STX11: variants seen among roughly 807,000 people sequenced by gnomAD.
STX11 encodes syntaxin-11.
In STX11, 21 loss-of-function variants were observed where a neutral mutation model predicts 19.9. The ratio of observed to expected loss-of-function variants is 1.06; its 90% confidence interval spans 0.75 to 1.52. The LOEUF is 1.52. Among genes scored for constraint, STX11 ranks in the 40% most tolerant of loss-of-function variants. The pLI is 0.00. For missense variants in STX11, 438 were observed against 405.9 expected (o/e 1.08, Z -0.68); for synonymous variants, 193 against 174.4 (o/e 1.11, Z -0.84).
intron 1 of STX11, 131 bp downstream of exon 1, chr6:144,150,834 G>T: frequency 2.8e-6 from 2 of 714,796 alleles, no homozygotes; most frequent in Non-Finnish European, 3.4e-6. Context: ...CCTTAGGTGG[G>T]ATTTTGGATC....
chr6:144,153,960 A>G lies in STX11; in HGVS notation c.-6+3257A>G, dbSNP rs576329662. Among the ~76,000 whole-genome samples the G allele has an allele frequency of 2.6e-4, 39 of 152,362 alleles. No individual in the cohort carries two copies. Among genetic ancestry groups the G allele is most frequent in the African/African-American group, 8.2e-4 (34 of 41,588 alleles). On this transcript the variant is annotated intron_variant, in intron 1 of 1. Coordinates refer to ENST00000367568, the MANE Select transcript of STX11 (RefSeq NM_003764.4). This position sits in a 1 kb window ranked among gnomAD's most constrained non-coding sequence, Gnocchi z 5.0. ...GTGCTCATTAAGATTTTTCAAATGA[A>G]TGCTAGTAATAGCTAAAATTTATTG...
At position 144,164,887 on chromosome 6, in the gene STX11, C is replaced by T. The variant is rs562827701; in HGVS notation, c.-6+14184C>T. ...TTTTTTTTTATTTTTAGTAGAGTTG[C>T]GGTTTCACCATGTTGGCCAGGCTAG... On this transcript the variant is annotated intron_variant, in intron 1 of 1. Transcript: ENST00000367568. Among the ~76,000 whole-genome samples the T allele has an allele frequency of 3.0e-4, 45 of 151,582 alleles. 1 individual carries two copies. In the East Asian group the frequency reaches 8.2e-3, roughly 28 times the overall value.
Position 144,187,470 on chromosome 6 carries a change from C to T in STX11, c.843C>T (p.Phe281=). The T allele has an allele frequency of 6.2e-7, 1 of 1,612,456 alleles. No individual in the cohort carries two copies. Among genetic ancestry groups the T allele is most frequent in the Non-Finnish European group, 8.5e-7 (1 of 1,179,972 alleles). Residue 281 remains phenylalanine, a synonymous_variant, in exon 2 of 2, where the codon TTC becomes TTT. Transcript: ENST00000367568. This position sits in a 1 kb window ranked among gnomAD's most constrained non-coding sequence, Gnocchi z 5.6. ...ACCCCTGCCGGACCCTCTGCTGCTT[C>T]TGCTGTCCCTGCCTCAAGTAGCAGG... ...EKNPCRTLCC[F]CCPCLK
intron 1 of STX11, among the ~76,000 whole-genome samples, chr6:144,171,894 A>C (rs1801648593): frequency 6.6e-6 from 1 of 152,242 alleles, no homozygotes; most frequent in South Asian, 2.1e-4. Flanking sequence ...ACTGAATTAA[A>C]ATCAAGATAT....
chr6:144,150,828 A>G (rs1360284062), intron 1 of STX11, 125 bp downstream of exon 1: 66 of 770,886 alleles, frequency 8.6e-5, no homozygotes, highest in Non-Finnish European at 1.0e-4. Flanking sequence ...GCTGTGCCTT[A>G]GGTGGGATTT....
intron 1 of STX11, among the ~76,000 whole-genome samples, chr6:144,178,851 T>A (rs888965964): frequency 1.1e-4 from 17 of 152,136 alleles, no homozygotes; most frequent in Admixed American, 9.2e-4. Flanking sequence ...TTTTTTTTTT[T>A]AAATTAACTT....
chr6:144,175,020 G>A lies in STX11; in HGVS notation c.-5-11603G>A, dbSNP rs760754614. 2.0e-5 allele frequency among the ~76,000 whole-genome samples: 3 copies of A among 151,966 alleles called. No homozygotes were observed. Among genetic ancestry groups the A allele is most frequent in the African/African-American group, 4.8e-5 (2 of 41,468 alleles). On this transcript the variant is annotated intron_variant, in intron 1 of 1. Coordinates refer to ENST00000367568, the MANE Select transcript of STX11 (RefSeq NM_003764.4). The surrounding 1 kb of genome is among the most constrained non-coding windows in gnomAD (Gnocchi z 5.1). ...TCCCAGCTACTCGGGAGGCTGAGGC[G>A]GGTGGATCACTTGAGGCCAAGAGTT...
chr6:144,187,039 A>C lies in STX11; in HGVS notation c.412A>C (p.Thr138Pro). 1 of 1,612,680 alleles carries C rather than the reference A, an allele frequency of 6.2e-7. No homozygotes were observed. Among genetic ancestry groups the C allele is most frequent in the Non-Finnish European group, 8.5e-7 (1 of 1,179,890 alleles). The change falls in exon 2 of 2, where the codon ACC (threonine) becomes CCC (proline). Residue 138 changes from threonine to proline, a missense_variant. Coordinates refer to ENST00000367568, the MANE Select transcript of STX11 (RefSeq NM_003764.4). The surrounding 1 kb of genome is among the most constrained non-coding windows in gnomAD (Gnocchi z 5.6). ...GGCGCAGTACAACGCGCTCACCCTC[A>C]CCTTCCAGCGCGCCATGCACGACTA... is the stretch of plus-strand genomic sequence containing the variant. ...SRAQYNALTL[T>P]FQRAMHDYNQ... is the part of the protein sequence containing the mutation.
chr6:144,185,166 C>T (rs1801995027), intron 1 of STX11, among the ~76,000 whole-genome samples: 1 of 152,174 alleles, frequency 6.6e-6, no homozygotes, highest in African/African-American at 2.4e-5. Flanking sequence ...AAAACTTCTG[C>T]TTAATTTATG....
At chr6:144,157,072 A>G (rs1584017726) in intron 1 of STX11, among the ~76,000 whole-genome samples, 1 of 152,224 alleles carries the variant, frequency 6.6e-6, no homozygotes, top group Non-Finnish European at 1.5e-5. Flanking sequence ...GCGCAAGTTC[A>G]GTGTCTCAGG....
rs1483779111 is a variant in STX11, at chr6:144,172,423, C to A, written c.-5-14200C>A. ...TTCAGTGTTCCCAGAGCAGATAAGC[C>A]CCAAGGTGCTAGTGCTGTTGAAGCC... On this transcript the variant is annotated intron_variant, in intron 1 of 1. Transcript: ENST00000367568. This position sits in a 1 kb window ranked among gnomAD's most constrained non-coding sequence, Gnocchi z 4.2. 3.9e-5 allele frequency among the ~76,000 whole-genome samples: 6 copies of A among 152,078 alleles called. No individual in the cohort carries two copies. The highest frequency in any genetic ancestry group is 1.4e-4 in the African/African-American group (6 of 41,382).
chr6:144,147,846 C>T (rs1469148461), upstream of STX11, among the ~76,000 whole-genome samples: 2 of 152,116 alleles, frequency 1.3e-5, no homozygotes, highest in Admixed American at 6.5e-5. The surrounding 1 kb of genome is among the most constrained non-coding windows in gnomAD (Gnocchi z 4.2). Context: ...GTCGAGGCTG[C>T]AGGGAACCAT....
chr6:144,158,131 A>G (rs566946429), intron 1 of STX11, among the ~76,000 whole-genome samples: 4 of 152,324 alleles, frequency 2.6e-5, no homozygotes, highest in African/African-American at 9.6e-5. Flanking sequence ...TAGTTTGAGA[A>G]CCTTCACCCT....
In STX11 at chr6:144,155,063, T is replaced by C. The variant is rs1278381657; in HGVS notation, c.-6+4360T>C. Among the ~76,000 whole-genome samples, 6 of 152,180 alleles carry C rather than the reference T, an allele frequency of 3.9e-5. No homozygotes were observed. Among genetic ancestry groups the C allele is most frequent in the Non-Finnish European group, 8.8e-5 (6 of 68,040 alleles). On this transcript the variant is annotated intron_variant, in intron 1 of 1. Transcript: ENST00000367568. This position sits in a 1 kb window ranked among gnomAD's most constrained non-coding sequence, Gnocchi z 4.5. The stretch of plus-strand genomic sequence containing the variant: ...TCAGCAATCAGGGACTAAGAATTGA[T>C]CTAGGAAGAAACTGGAATAATCAGA...
At position 144,184,096 on chromosome 6, in the gene STX11, C is replaced by T. The variant is rs985610354; in HGVS notation, c.-5-2527C>T. Among the ~76,000 whole-genome samples, 2 of 152,174 alleles carry T rather than the reference C, an allele frequency of 1.3e-5. No individual in the cohort carries two copies. The highest frequency in any genetic ancestry group is 4.8e-5 in the African/African-American group (2 of 41,444). Reference sequence around the variant, plus strand: ...TTTATGGCTGTATAGTACAGTCTAACATTGATGGGCATTTGGGTTGGTTCC... The same window carrying T: ...TTTATGGCTGTATAGTACAGTCTAATATTGATGGGCATTTGGGTTGGTTCC... On this transcript the variant is annotated intron_variant, in intron 1 of 1. Transcript: ENST00000367568. This position sits in a 1 kb window ranked among gnomAD's most constrained non-coding sequence, Gnocchi z 6.5.
Position 144,152,589 on chromosome 6 carries a change from A to T in STX11, c.-6+1886A>T, listed in dbSNP as rs971140809. Among the ~76,000 whole-genome samples, 1 of 152,218 alleles carries T rather than the reference A, an allele frequency of 6.6e-6. No homozygotes were observed. Among genetic ancestry groups the T allele is most frequent in the African/African-American group, 2.4e-5 (1 of 41,448 alleles). ...ACAATTGCAGTCACCTTTAGTTAAC[A>T]GCATGACTTTTAGGAAATGGTGTGA... On this transcript the variant is annotated intron_variant, in intron 1 of 1. Coordinates refer to ENST00000367568, the MANE Select transcript of STX11 (RefSeq NM_003764.4). The surrounding 1 kb of genome is among the most constrained non-coding windows in gnomAD (Gnocchi z 4.9).
chr6:144,144,176 A>G, the STX11 span, among the ~76,000 whole-genome samples: 1 of 152,244 alleles, frequency 6.6e-6, no homozygotes, highest in South Asian at 2.1e-4. Flanking sequence ...GAGTAAGTGA[A>G]ACAGGCATGA....
intron 1 of STX11, among the ~76,000 whole-genome samples, chr6:144,164,184 T>C (rs944540212): frequency 2.0e-5 from 3 of 152,156 alleles, no homozygotes; most frequent in African/African-American, 7.2e-5. Flanking sequence ...AGAATATCAA[T>C]CACATAGTCT....
chr6:144,144,843 A>C, the STX11 span, among the ~76,000 whole-genome samples: 1 of 152,168 alleles, frequency 6.6e-6, no homozygotes, highest in Non-Finnish European at 1.5e-5. Flanking sequence ...CTCACACACT[A>C]TCATGTGTCC....
Sources: gnomAD v4.1 joint callset for allele counts (sites outside exome capture counted in the v4.1 genomes callset) on GRCh38, gnomAD v4.1.1 for gene constraint, Gnocchi (gnomAD v3.1) non-coding constraint, MANE v1.5 for transcripts, NCBI Gene and HGNC (gene_info 2026-07-23, HGNC 2026-07-21) for gene names.